Variants in ZNFX1 observed in about 807,000 individuals in gnomAD.
ZNFX1 encodes the protein NFX1-type zinc finger-containing protein 1.
A neutral mutation model predicts 179.8 loss-of-function variants in ZNFX1; 78 were observed. The ratio of observed to expected loss-of-function variants is 0.43; its 90% CI spans 0.36 to 0.52. ZNFX1 has a LOEUF of 0.52. Among genes scored for constraint, ZNFX1 ranks in the 20% least tolerant of loss-of-function variants. The pLI, the probability that ZNFX1 is intolerant of heterozygous loss-of-function variation, is 0.00. For missense variants in ZNFX1, 1,927 were observed against 2,386.6 expected, an observed-to-expected ratio of 0.81 and a Z score of 4.01; for synonymous variants, 848 against 868.5, an observed-to-expected ratio of 0.98 and a Z score of 0.42.
rs1309659534 is a variant in ZNFX1, at chr20:49,270,559, G to A, written c.1253C>T (p.Thr418Ile). The change falls in exon 3 of 14, where the codon ACC becomes ATC. Residue 418 changes from threonine (T) to isoleucine (I), a missense_variant. By Grantham distance (89) the Thr-to-Ile change is moderately conservative. Coordinates refer to ENST00000396105, the MANE Select transcript of ZNFX1 (RefSeq NM_021035.3). The surrounding 1 kb of genome is among the most constrained non-coding windows in gnomAD (Gnocchi z 4.6). ...IRIYFDTRII[T>I]PMCSSSGIVY... ...TATGCCTGATGATGAACACATGGGG[G>A]TGATAATCCTGGTGTCAAAGTAGAT... is the stretch of plus-strand genomic sequence containing the variant. 6.2e-7 allele frequency: 1 copy of A among 1,614,082 alleles called. No homozygotes were observed. Among genetic ancestry groups the A allele is most frequent in the Non-Finnish European group, 8.5e-7 (1 of 1,180,046 alleles).
chr20:49,254,710 G>A (rs893926711), intron 9 of ZNFX1, 61 bp from the exon 10 acceptor site: 11 of 1,572,116 alleles, frequency 7.0e-6, no homozygotes, highest in Middle Eastern at 2.3e-4. Context: ...GTGGAAGAAC[G>A]CCCTTCAGTG....
chr20:49,264,948 T>C, intron 4 of ZNFX1, 84 bp from the exon 5 acceptor site: 2 of 1,570,136 alleles, frequency 1.3e-6, no homozygotes, highest in African/African-American at 1.4e-5. Flanking sequence ...ATTTGGGATC[T>C]AGTCTGGTCC....
rs1252340576 is a variant in ZNFX1 at position 49,249,312 on chromosome 20, C to T, written c.3712G>A (p.Ala1238Thr). The change falls in exon 14 of 14, where the codon GCC (alanine) becomes ACC (threonine). Residue 1238 changes from alanine (A) to threonine (T), a missense_variant. Physicochemically the swap from Ala to Thr is moderately conservative, Grantham distance 58. Coordinates refer to ENST00000396105, the MANE Select transcript of ZNFX1 (RefSeq NM_021035.3). Reference sequence around the variant, plus strand: ...ATCTTGCTCCACAGGGGCACCTTGGCCAGCATCTGCATGTTTCCGATGCAG... The same window carrying T: ...ATCTTGCTCCACAGGGGCACCTTGGTCAGCATCTGCATGTTTCCGATGCAG... ...MYCIGNMQML[A>T]KVPLWSKIIH... 3.1e-6 allele frequency: 5 copies of T among 1,614,124 alleles called. No individual in the cohort carries two copies. The highest frequency in any genetic ancestry group is 1.7e-5 in the Admixed American group (1 of 60,004).
Position 49,275,804 on chromosome 20 carries a change from G to T in ZNFX1, c.36C>A (p.Pro12=). The part of the protein sequence containing the change: ...EERRPHLDAR[P]RNSHTNHRGP... Reference sequence around the variant, plus strand: ...CTCTGTGGTTGGTATGGGAATTCCTGGGCCTGGCATCCAGATGAGGTCTTC... The same window carrying T: ...CTCTGTGGTTGGTATGGGAATTCCTTGGCCTGGCATCCAGATGAGGTCTTC... Residue 12 remains proline (P), a synonymous_variant, in exon 2 of 14, where the codon CCC becomes CCA. Transcript: ENST00000396105. 2 of 1,614,160 alleles carry T rather than the reference G, an allele frequency of 1.2e-6. No individual in the cohort carries two copies. The highest frequency in any genetic ancestry group is 1.7e-6 in the Non-Finnish European group (2 of 1,180,008).
chr20:49,255,144 A>T (rs1980938047), intron 9 of ZNFX1, among the ~76,000 whole-genome samples: 1 of 151,656 alleles, frequency 6.6e-6, no homozygotes, highest in Non-Finnish European at 1.5e-5. Context: ...TCCGGGTTCA[A>T]GCGATTCTCC....
chr20:49,271,270 G>C lies in ZNFX1; in HGVS notation c.542C>G (p.Ser181Cys), dbSNP rs1171348231. 3 of 1,614,082 alleles carry C rather than the reference G, an allele frequency of 1.9e-6. No homozygotes were observed. In the African/African-American group the frequency reaches 4.0e-5, roughly 22 times the overall value. Residue 181 changes from serine to cysteine, a missense_variant, in exon 3 of 14, where the codon TCT becomes TGT. Physicochemically the swap from Ser to Cys is moderately radical, Grantham distance 112 (BLOSUM62 -1). Transcript: ENST00000396105. ...KELLSHSSMK[S>C]NFLELICQVL... ...CTGACAGATGAGCTCAAGGAAGTTA[G>C]ATTTCATGGAAGAATGAGAAAGGAG...
chr20:49,266,234 C>T lies in ZNFX1; in HGVS notation c.1903G>A (p.Ala635Thr). 6.2e-7 allele frequency: 1 copy of T among 1,610,642 alleles called. No individual in the cohort carries two copies. The highest frequency in any genetic ancestry group is 8.5e-7 in the Non-Finnish European group (1 of 1,178,924). ...CAAACAGACTCGTTGGTTAGGAGGG[C>T]CTGAACAATTTTTAGACCCACATAG... ...KTYVGLKIVQ[A>T]LLTNESVWQI... is the part of the protein sequence containing the mutation. The change falls in exon 4 of 14, where the codon GCC becomes ACC. Residue 635 changes from alanine to threonine, a missense_variant. Coordinates refer to ENST00000396105, the MANE Select transcript of ZNFX1 (RefSeq NM_021035.3).
In ZNFX1 at chr20:49,270,398, T is replaced by C; in HGVS notation, c.1414A>G (p.Arg472Gly). ...ETFLFATVSNREQEDLCRGIV... is the reference protein window; with the variant it reads ...ETFLFATVSNGEQEDLCRGIV... Reference sequence around the variant, plus strand: ...CCTCGGCAGAGATCTTCCTGCTCCCTGTTAGATACGGTGGCAAAAAGAAAT... The same window carrying C: ...CCTCGGCAGAGATCTTCCTGCTCCCCGTTAGATACGGTGGCAAAAAGAAAT... The change falls in exon 3 of 14, where the codon AGG (arginine) becomes GGG (glycine). Residue 472 changes from arginine (R) to glycine (G), a missense_variant. Transcript: ENST00000396105. This position sits in a 1 kb window ranked among gnomAD's most constrained non-coding sequence, Gnocchi z 4.6. 1 of 1,614,226 alleles carries C rather than the reference T, an allele frequency of 6.2e-7. No homozygotes were observed. The highest frequency in any genetic ancestry group is 8.5e-7 in the Non-Finnish European group (1 of 1,180,020).
chr20:49,254,655 G>A lies in ZNFX1; in HGVS notation c.2805-6C>T. 2.0e-5 allele frequency: 32 copies of A among 1,612,586 alleles called. No homozygotes were observed. The highest frequency in any genetic ancestry group is 2.5e-5 in the Non-Finnish European group (30 of 1,179,202). ...GGTACAACTGTAGCCAGAGCCTGGA[G>A]AATGGGAAGAACCAAGGAAAGAAAG... On this transcript the variant is annotated splice_region_variant and splice_polypyrimidine_tract_variant and intron_variant, in intron 9 of 13. Coordinates refer to ENST00000396105, the MANE Select transcript of ZNFX1 (RefSeq NM_021035.3).
At chr20:49,249,854 T>A in intron 13 of ZNFX1, 143 bp from the exon 14 acceptor site, 1 of 771,526 alleles carries the variant, frequency 1.3e-6, no homozygotes, top group Non-Finnish European at 2.1e-6. Context: ...TCACTATCTT[T>A]AGTTCTTTAG....
At chr20:49,274,645 G>A (rs1034681683) in intron 2 of ZNFX1, among the ~76,000 whole-genome samples, 5 of 152,178 alleles carry the variant, frequency 3.3e-5, no homozygotes, top group African/African-American at 1.2e-4. Context: ...TGTAATCCCA[G>A]CTACTTGGGA....
Position 49,271,487 on chromosome 20 carries a change from T to C in ZNFX1, c.325A>G (p.Asn109Asp), listed in dbSNP as rs1981398345. The C allele has an allele frequency of 6.2e-7, 1 of 1,614,204 alleles. No individual in the cohort carries two copies. Among genetic ancestry groups the C allele is most frequent in the Non-Finnish European group, 8.5e-7 (1 of 1,180,026 alleles). Residue 109 changes from asparagine to aspartate, a missense_variant, in exon 3 of 14, where the codon AAC becomes GAC. Coordinates refer to ENST00000396105, the MANE Select transcript of ZNFX1 (RefSeq NM_021035.3). ...GGTCTGCGGTTCCTACAGTCCTGGT[T>C]GCCATTTCTCCACCTGGTGTCATTC... ...QENDTRWRNG[N>D]QDCRNRRPPW...
In ZNFX1 at chr20:49,253,763, A is replaced by G; in HGVS notation, c.3008T>C (p.Val1003Ala). 6.2e-7 allele frequency: 1 copy of G among 1,614,166 alleles called. No homozygotes were observed. Among genetic ancestry groups the G allele is most frequent in the East Asian group, 2.2e-5 (1 of 44,878 alleles). Reference sequence around the variant, plus strand: ...GACTTCCGCAGCTTCTTCCACTATGACAATCCTCGGCTCCACCTTCTGTAG... The same window carrying G: ...GACTTCCGCAGCTTCTTCCACTATGGCAATCCTCGGCTCCACCTTCTGTAG... ...QILQKVEPRIVIVEEAAEVLE... is the reference protein window; with the variant it reads ...QILQKVEPRIAIVEEAAEVLE... The change falls in exon 11 of 14, where the codon GTC becomes GCC. Residue 1003 changes from valine (V) to alanine (A), a missense_variant. Coordinates refer to ENST00000396105, the MANE Select transcript of ZNFX1 (RefSeq NM_021035.3).
rs140581861 is a variant in ZNFX1 at position 49,257,488 on chromosome 20, G to A, written c.2593C>T (p.Leu865=). 1 of 1,614,018 alleles carries A rather than the reference G, an allele frequency of 6.2e-7. No individual in the cohort carries two copies. ...GADQELAKML[L]AMRLDHCGTG... is the part of the protein sequence containing the mutation. ...CCACAATGGTCTAGCCTCATGGCCA[G>A]AAGCATTTTAGCCAACTCCTGGTCT... The change falls in exon 8 of 14, where the codon CTG becomes TTG. Residue 865 remains leucine, a synonymous_variant. Transcript: ENST00000396105.
chr20:49,254,323 G>A (rs955118854), intron 10 of ZNFX1, among the ~76,000 whole-genome samples, 172 bp downstream of exon 10: 1 of 152,198 alleles, frequency 6.6e-6, no homozygotes, highest in Non-Finnish European at 1.5e-5. Flanking sequence ...CACTGCGCCT[G>A]GCGAAAGTGA....
chr20:49,261,511 A>G (rs1390231403), intron 6 of ZNFX1, among the ~76,000 whole-genome samples: 1 of 152,176 alleles, frequency 6.6e-6, no homozygotes, highest in Admixed American at 6.5e-5. Context: ...ATGAGAACAC[A>G]TGGTCACATA....
In ZNFX1 at chr20:49,266,208, C is replaced by T; in HGVS notation, c.1929G>A (p.Trp643Ter). Residue 643 changes from tryptophan to a stop codon, truncating the protein, a stop_gained, in exon 4 of 14, where the codon TGG becomes TGA. Transcript: ENST00000396105. LOFTEE classifies it high-confidence loss of function. ...VQALLTNESVWQISLQKFPIL... is the reference protein window; with the variant it reads ...VQALLTNESV ...TGGGGAACTTCTGGAGGCTAATTTGCCAAACAGACTCGTTGGTTAGGAGGG... is the reference window on the plus strand; with the variant it reads ...TGGGGAACTTCTGGAGGCTAATTTGTCAAACAGACTCGTTGGTTAGGAGGG... 1 of 1,612,804 alleles carries T rather than the reference C, an allele frequency of 6.2e-7. No homozygotes were observed. The highest frequency in any genetic ancestry group is 8.5e-7 in the Non-Finnish European group (1 of 1,179,512).
At position 49,270,266 on chromosome 20, in the gene ZNFX1, T is replaced by C; in HGVS notation, c.1546A>G (p.Arg516Gly). Residue 516 changes from arginine to glycine, a missense_variant, in exon 3 of 14, where the codon AGG (arginine) becomes GGG (glycine). Arg to Gly is a moderately radical substitution (Grantham distance 125). Coordinates refer to ENST00000396105, the MANE Select transcript of ZNFX1 (RefSeq NM_021035.3). The surrounding 1 kb of genome is among the most constrained non-coding windows in gnomAD (Gnocchi z 4.6). ...TCCTGGAGTCCTTCCAGGACGTGCC[T>C]GTAGGCCTCAAAGTATGCAGTTGTC... ...VETTAYFEAY[R>G]HVLEGLQEVQ... 1 of 1,614,072 alleles carries C rather than the reference T, an allele frequency of 6.2e-7. No individual in the cohort carries two copies. Among genetic ancestry groups the C allele is most frequent in the South Asian group, 1.1e-5 (1 of 91,088 alleles).
chr20:49,263,292 T>A (rs1446156163), intron 6 of ZNFX1, 42 bp downstream of exon 6: 1 of 1,602,568 alleles, frequency 6.2e-7, no homozygotes, highest in Non-Finnish European at 8.5e-7. Flanking sequence ...CTCAAAGTAC[T>A]GAGGCCAGAG....
Sources: gnomAD v4.1 joint callset for allele counts (sites outside exome capture counted in the v4.1 genomes callset) on GRCh38, gnomAD v4.1.1 for gene constraint, Gnocchi (gnomAD v3.1) non-coding constraint, MANE v1.5 for transcripts, NCBI Gene and HGNC (gene_info 2026-07-23, HGNC 2026-07-21) for gene names.